The following LTBP2 variants were observed in gnomAD, a reference collection of about 807,000 sequenced individuals.
LTBP2 encodes the protein latent-transforming growth factor beta-binding protein 2.
Under a neutral mutation model 210.6 loss-of-function variants are expected in LTBP2, and 103 were observed. That is an observed-to-expected ratio of 0.49 (90% CI 0.42 to 0.58). LTBP2 has a LOEUF of 0.58. LTBP2 is among the 20% of genes least tolerant of loss of function. The pLI, the probability that LTBP2 is intolerant of heterozygous loss-of-function variation, is 0.00. For missense variants in LTBP2, 2,313 were observed against 2,494.5 expected, an observed-to-expected ratio of 0.93 and a Z score of 1.55; for synonymous variants, 1,007 against 1,015.0, an observed-to-expected ratio of 0.99 and a Z score of 0.15.
chr14:74,510,473 C>G (rs2087056557), intron 19 of LTBP2, among the ~76,000 whole-genome samples: 1 of 152,220 alleles, frequency 6.6e-6, no homozygotes, highest in Admixed American at 6.5e-5. Context: ...GGTCTCCCCG[C>G]CCTGGGGCTG....
rs1307352345 is a variant in LTBP2, at chr14:74,506,763, T to C, written c.3968A>G (p.Asp1323Gly). 7 of 1,614,002 alleles carry C rather than the reference T, an allele frequency of 4.3e-6. No individual in the cohort carries two copies. Among genetic ancestry groups the C allele is most frequent in the Non-Finnish European group, 5.9e-6 (7 of 1,180,006 alleles). The change falls in exon 27 of 36, where the codon GAT becomes GGT. Residue 1323 changes from aspartate to glycine, a missense_variant. By Grantham distance (94) the Asp-to-Gly change is moderately conservative. Coordinates refer to ENST00000261978, the MANE Select transcript of LTBP2 (RefSeq NM_000428.3). ...CGSHGFCDNT[D>G]GSFRCLCDQG... ...GTCACAGAGGCAGCGGAAGGAGCCATCAGTGTTGTCACAGAAGCCGTGGCT... is the reference window on the plus strand; with the variant it reads ...GTCACAGAGGCAGCGGAAGGAGCCACCAGTGTTGTCACAGAAGCCGTGGCT...
chr14:74,540,243 C>G (rs75899176), intron 8 of LTBP2, among the ~76,000 whole-genome samples: 5 of 151,974 alleles, frequency 3.3e-5, no homozygotes, highest in African/African-American at 1.2e-4. Flanking sequence ...GAGGCTGAGG[C>G]GAGTGAATCA....
rs775223785 is a variant in LTBP2 at position 74,522,847 on chromosome 14, A to T, written c.2602T>A (p.Tyr868Asn). The T allele has an allele frequency of 5.0e-6, 8 of 1,612,722 alleles. No homozygotes were observed. The East Asian group carries it at 1.6e-4, about 31-fold the overall frequency. ...PGTCVNLPDG[Y>N]RCVCSPGYQL... ...TAGCCAGGGCTGCAGACACATCTGT[A>T]TCCATCGGGGAGGTTCACGCAGGTT... The change falls in exon 16 of 36, where the codon TAC becomes AAC. Residue 868 changes from tyrosine (Y) to asparagine (N), a missense_variant. Tyr to Asn is a moderately radical substitution (Grantham distance 143). Transcript: ENST00000261978.
At chr14:74,535,900 C>A (rs370379817) in intron 9 of LTBP2, 26 bp downstream of exon 9, 2 of 1,608,432 alleles carry the variant, frequency 1.2e-6, no homozygotes, top group Non-Finnish European at 1.7e-6. Context: ...CATCCTTGAG[C>A]CCAGCCCTGG....
chr14:74,600,253 C>T (rs2088427038), intron 2 of LTBP2, among the ~76,000 whole-genome samples: 2 of 152,232 alleles, frequency 1.3e-5, no homozygotes, highest in East Asian at 1.9e-4. Context: ...AGCCCTGCCA[C>T]GGGCGAGCCA....
At chr14:74,574,132 C>T (rs970986628) in intron 3 of LTBP2, among the ~76,000 whole-genome samples, 2 of 152,178 alleles carry the variant, frequency 1.3e-5, no homozygotes, top group African/African-American at 4.8e-5. Context: ...CTAAATGTTA[C>T]TTTAGCATAA....
At chr14:74,532,843 A>G (rs1329402933) in intron 9 of LTBP2, among the ~76,000 whole-genome samples, 2 of 152,088 alleles carry the variant, frequency 1.3e-5, no homozygotes, top group Admixed American at 6.5e-5. Context: ...TTATTTATTT[A>G]TTTATCTATT....
rs1056197313 is a variant in LTBP2, at chr14:74,551,603, C to T, written c.1400-253G>A. 3.9e-5 allele frequency among the ~76,000 whole-genome samples: 6 copies of T among 152,296 alleles called. No homozygotes were observed. In the East Asian group the frequency reaches 9.7e-4, roughly 25 times the overall value. ...AAGCTACCTTCCTGATTCTACCTCC[C>T]CCATGACCCTGGCCAACCCTGGAAC... On this transcript the variant is annotated intron_variant, in intron 6 of 35. Coordinates refer to ENST00000261978, the MANE Select transcript of LTBP2 (RefSeq NM_000428.3).
At chr14:74,609,897 T>C (rs907523065) in intron 1 of LTBP2, among the ~76,000 whole-genome samples, 4 of 152,264 alleles carry the variant, frequency 2.6e-5, no homozygotes, top group African/African-American at 9.6e-5. Context: ...CTTGGAAGCA[T>C]GCATTCACTT....
At chr14:74,520,252 A>G (rs559039739) in intron 17 of LTBP2, among the ~76,000 whole-genome samples, 2 of 152,250 alleles carry the variant, frequency 1.3e-5, no homozygotes, top group African/African-American at 4.8e-5. Flanking sequence ...ATTCCTATTC[A>G]TGCTCCAACA....
At chr14:74,510,718 A>G (rs2139697764) in intron 19 of LTBP2, among the ~76,000 whole-genome samples, 1 of 152,330 alleles carries the variant, frequency 6.6e-6, no homozygotes, top group East Asian at 1.9e-4. Flanking sequence ...CAGAGCCTCA[A>G]AGCGTCTATT....
intron 8 of LTBP2, among the ~76,000 whole-genome samples, chr14:74,546,830 C>T (rs561381069): frequency 6.6e-6 from 1 of 152,246 alleles, no homozygotes; most frequent in Non-Finnish European, 1.5e-5. Flanking sequence ...AAGGCTGGCA[C>T]ACAGGTGGAA....
At chr14:74,596,226 AAAATAAAT>A (rs529095086) in intron 2 of LTBP2, among the ~76,000 whole-genome samples, 176 of 122,112 alleles carry the variant, frequency 1.4e-3, no homozygotes, top group East Asian at 0.011. Flanking sequence ...TGCTGTTTCA[AAAATAAAT>A]AAATAAATAA....
At chr14:74,602,857 T>C (rs1051960650) in intron 2 of LTBP2, among the ~76,000 whole-genome samples, 1 of 152,252 alleles carries the variant, frequency 6.6e-6, no homozygotes, top group African/African-American at 2.4e-5. Flanking sequence ...CTGACCATCC[T>C]GGTAGAGTGG....
At position 74,528,542 on chromosome 14, in the gene LTBP2, C is replaced by A. The variant is rs1188850869; in HGVS notation, c.2309G>T (p.Arg770Met). The stretch of plus-strand genomic sequence containing the variant: ...GTCCGTGACGACCCGGAGGGGCTGC[C>A]TCTCTGCTGGCCCGGGCAGTGCCCC... ...SSGALPGPAE[R>M]QPLRVVTDTW... Residue 770 changes from arginine to methionine, a missense_variant, in exon 12 of 36, where the codon AGG becomes ATG. By Grantham distance (91) the Arg-to-Met change is moderately conservative (BLOSUM62 -1). Transcript: ENST00000261978. The A allele has an allele frequency of 6.2e-7, 1 of 1,612,932 alleles. No individual in the cohort carries two copies. The highest frequency in any genetic ancestry group is 8.5e-7 in the Non-Finnish European group (1 of 1,180,040).
chr14:74,596,174 G>A (rs897005999), intron 2 of LTBP2, among the ~76,000 whole-genome samples: 11 of 152,040 alleles, frequency 7.2e-5, no homozygotes, highest in African/African-American at 2.4e-4. Context: ...ACAGTGAGCC[G>A]AGATTGCGCC....
At position 74,611,530 on chromosome 14, in the gene LTBP2, C is replaced by T. The variant is rs754478146; in HGVS notation, c.415G>A (p.Ala139Thr). Residue 139 changes from alanine (A) to threonine (T), a missense_variant, in exon 1 of 36, where the codon GCG becomes ACG. Physicochemically the swap from Ala to Thr is moderately conservative, Grantham distance 58 (BLOSUM62 0). Coordinates refer to ENST00000261978, the MANE Select transcript of LTBP2 (RefSeq NM_000428.3). ...GTCCCCAGGCGTGGGAGAGCCGGCG[C>T]GGCCCGGGTCCGGGGTGCTGGTTGC... ...QQQPAPRTRAAPALPRLGTPQ... is the reference protein window; with the variant it reads ...QQQPAPRTRATPALPRLGTPQ... 7 of 1,550,016 alleles carry T rather than the reference C, an allele frequency of 4.5e-6. No individual in the cohort carries two copies. The highest frequency in any genetic ancestry group is 5.2e-6 in the Non-Finnish European group (6 of 1,157,098).
intron 2 of LTBP2, among the ~76,000 whole-genome samples, chr14:74,600,422 C>A (rs1471697631): frequency 1.3e-5 from 2 of 152,092 alleles, no homozygotes; most frequent in African/African-American, 4.8e-5. Context: ...ACCTCAGCAT[C>A]CTGGCGCAGC....
At chr14:74,569,448 G>A (rs1208282028) in intron 3 of LTBP2, among the ~76,000 whole-genome samples, 1 of 152,164 alleles carries the variant, frequency 6.6e-6, no homozygotes, top group Non-Finnish European at 1.5e-5. Context: ...CACTGGGAAT[G>A]TTGAACTGAA....
Sources: gnomAD v4.1 joint callset for allele counts (sites outside exome capture counted in the v4.1 genomes callset) on GRCh38, gnomAD v4.1.1 for gene constraint, MANE v1.5 for transcripts, NCBI Gene and HGNC (gene_info 2026-07-23, HGNC 2026-07-21) for gene names.